ANXA8: variants seen among roughly 807,000 people sequenced by gnomAD.
ANXA8 encodes annexin A8.
A neutral mutation model predicts 26.8 loss-of-function variants in ANXA8; 9 were observed. That is an observed-to-expected ratio of 0.34 (90% CI 0.20 to 0.59). The LOEUF (loss-of-function observed/expected upper bound fraction) is 0.59, where lower values mean the gene tolerates loss of function less well. Among genes scored for constraint, ANXA8 ranks in the 20% least tolerant of loss-of-function variants. ANXA8 has a pLI of 0.84. For missense variants in ANXA8, 83 were observed against 238.5 expected (o/e 0.35, Z 4.29); for synonymous variants, 39 against 94.8 (o/e 0.41, Z 3.42).
chr10:47,930,044 A>G, the ANXA8 span, among the ~76,000 whole-genome samples: 2 of 151,612 alleles, frequency 1.3e-5, no homozygotes, highest in Non-Finnish European at 2.9e-5. Context: ...CCCCTCACCC[A>G]CTCCTCTTCA....
At chr10:47,594,217 A>G in the ANXA8 span, among the ~76,000 whole-genome samples, 1 of 150,600 alleles carries the variant, frequency 6.6e-6, no homozygotes, top group Admixed American at 6.6e-5. Context: ...TCCCCTTCAA[A>G]TGTACATCTA....
At chr10:47,980,508 T>A in the ANXA8 span, among the ~76,000 whole-genome samples, 1 of 151,814 alleles carries the variant, frequency 6.6e-6, no homozygotes, top group South Asian at 2.1e-4. Context: ...ATAAAATTAG[T>A]AAACCTTTAG....
the ANXA8 span, among the ~76,000 whole-genome samples, chr10:47,754,978 GA>G: frequency 1.4e-5 from 1 of 72,252 alleles, no homozygotes; most frequent in East Asian, 4.0e-4. Context: ...TTTTTTTTTT[GA>G]CAGAGTCTCG....
chr10:47,580,912 T>TA, the ANXA8 span, among the ~76,000 whole-genome samples: 2 of 148,446 alleles, frequency 1.3e-5, no homozygotes, highest in African/African-American at 5.2e-5. Context: ...CCATCTCTAC[T>TA]AAAAATACAA....
chr10:47,691,601 G>A, the ANXA8 span, among the ~76,000 whole-genome samples: 77 of 149,586 alleles, frequency 5.1e-4, no homozygotes, highest in African/African-American at 1.6e-3. Flanking sequence ...CACAGAACCC[G>A]TCTCTACAAA....
chr10:47,658,395 A>G, the ANXA8 span, among the ~76,000 whole-genome samples: 1 of 150,914 alleles, frequency 6.6e-6, no homozygotes, highest in South Asian at 2.1e-4. Flanking sequence ...CAAAAAAAAA[A>G]AAAATCATGT....
the ANXA8 span, among the ~76,000 whole-genome samples, chr10:47,744,447 G>GGGGA: frequency 1.1e-5 from 1 of 91,058 alleles, no homozygotes; most frequent in Non-Finnish European, 2.2e-5. Flanking sequence ...GAAGAGGGGG[G>GGGGA]GCCTTGCAGA....
the ANXA8 span, among the ~76,000 whole-genome samples, chr10:47,954,839 A>G: frequency 6.6e-6 from 1 of 151,202 alleles, no homozygotes; most frequent in South Asian, 2.1e-4. Context: ...AGACAGTAGA[A>G]TGGATAAGCA....
the ANXA8 span, among the ~76,000 whole-genome samples, chr10:47,870,940 TGTC>T: frequency 0.4 from 4 of 10 alleles, no homozygotes; most frequent in Non-Finnish European, 0.5. Context: ...TTGGGACACT[TGTC>T]GTGATTGTTC....
chr10:47,544,101 G>A, the ANXA8 span, among the ~76,000 whole-genome samples: 5 of 151,842 alleles, frequency 3.3e-5, no homozygotes, highest in Non-Finnish European at 7.4e-5. Context: ...CAGCACCCGG[G>A]CACGAAGGCA....
the ANXA8 span, among the ~76,000 whole-genome samples, chr10:47,499,922 C>T: frequency 1.5e-4 from 23 of 149,860 alleles, no homozygotes; most frequent in African/African-American, 5.7e-4. Flanking sequence ...CATGTGCCAC[C>T]ATGTCCAGCT....
chr10:47,693,004 G>A, the ANXA8 span, among the ~76,000 whole-genome samples: 1 of 151,702 alleles, frequency 6.6e-6, no homozygotes, highest in African/African-American at 2.4e-5. Flanking sequence ...CAAAATGCTA[G>A]GATTACAAGT....
the ANXA8 span, among the ~76,000 whole-genome samples, chr10:47,982,721 T>C: frequency 2.1e-5 from 3 of 143,652 alleles, no homozygotes; most frequent in Non-Finnish European, 4.6e-5. Context: ...ATTATCAAAA[T>C]TGACAGCTTT....
the ANXA8 span, among the ~76,000 whole-genome samples, chr10:47,658,301 A>G: frequency 6.6e-6 from 1 of 151,356 alleles, no homozygotes; most frequent in Non-Finnish European, 1.5e-5. Context: ...CAGGAGAATC[A>G]CTTGAACCCG....
chr10:47,991,561 C>T, the ANXA8 span: 1 of 1,596,466 alleles, frequency 6.3e-7, no homozygotes, highest in African/African-American at 1.3e-5. Flanking sequence ...GCCCAGGAGG[C>T]AGCCAAATGT....
At chr10:47,557,454 T>G in the ANXA8 span, among the ~76,000 whole-genome samples, 22 of 150,886 alleles carry the variant, frequency 1.5e-4, no homozygotes, top group East Asian at 4.1e-3. Flanking sequence ...AACCTTCCTC[T>G]CCTCATTTTA....
At chr10:47,557,003 C>CTTTTTTTTT in the ANXA8 span, among the ~76,000 whole-genome samples, 4 of 113,436 alleles carry the variant, frequency 3.5e-5, no homozygotes, top group South Asian at 2.8e-4. Flanking sequence ...TATTTTCTTT[C>CTTTTTTTTT]TTTTTTTTTT....
upstream of ANXA8, among the ~76,000 whole-genome samples, chr10:47,488,675 C>T (rs1840087974): frequency 1.4e-5 from 2 of 138,144 alleles, no homozygotes; most frequent in Non-Finnish European, 3.1e-5. Context: ...AGCTCACACA[C>T]ATCAATTTAA....
At chr10:47,584,842 C>G in the ANXA8 span, among the ~76,000 whole-genome samples, 1 of 133,778 alleles carries the variant, frequency 7.5e-6, no homozygotes, top group Admixed American at 7.3e-5. Context: ...AATCCCAGCA[C>G]TTTGGGAGGC....
Sources: gnomAD v4.1 joint callset for allele counts (sites outside exome capture counted in the v4.1 genomes callset) on GRCh38, gnomAD v4.1.1 for gene constraint, MANE v1.5 for transcripts, NCBI Gene and HGNC (gene_info 2026-07-23, HGNC 2026-07-21) for gene names.